Variants in SLC4A7 observed in about 807,000 individuals in gnomAD.
The protein encoded by SLC4A7 is sodium bicarbonate cotransporter 3.
In SLC4A7, 51 loss-of-function variants were observed where a neutral mutation model predicts 137.6. That is an observed-to-expected ratio of 0.37 (90% CI 0.30 to 0.47). The LOEUF is 0.47. SLC4A7 is among the 20% of genes least tolerant of loss of function. SLC4A7 has a pLI of 1.00. For synonymous variants in SLC4A7, 542 were observed against 518.6 expected (o/e 1.05, Z -0.61); for missense variants, 1,247 against 1,525.4 (o/e 0.82, Z 3.04).
chr3:27,456,546 TTC>T, intron 1 of SLC4A7: 3 of 814,972 alleles, frequency 3.7e-6, no homozygotes, highest in Non-Finnish European at 6.4e-6. Flanking sequence ...GATGATACTA[TTC>T]TAAGCCAGTG....
At chr3:27,413,998 G>C (rs767195631) in intron 11 of SLC4A7, among the ~76,000 whole-genome samples, 2 of 152,134 alleles carry the variant, frequency 1.3e-5, no homozygotes, top group Non-Finnish European at 2.9e-5. Flanking sequence ...ACACAGTTGA[G>C]GCCAGGCGTG....
At chr3:27,393,818 AAAAT>A (rs1393224987) in intron 20 of SLC4A7, among the ~76,000 whole-genome samples, 1 of 152,186 alleles carries the variant, frequency 6.6e-6, no homozygotes, top group East Asian at 1.9e-4. Context: ...AAAAAAATTA[AAAAT>A]AAAAGCCAAC....
intron 1 of SLC4A7, among the ~76,000 whole-genome samples, chr3:27,474,586 C>G (rs961865645): frequency 1.3e-5 from 2 of 151,854 alleles, no homozygotes; most frequent in Non-Finnish European, 2.9e-5. Context: ...TGGCGGGCAC[C>G]TGTAATCCCA....
chr3:27,424,402 A>C (rs573012205), intron 7 of SLC4A7: 32 of 299,060 alleles, frequency 1.1e-4, no homozygotes, highest in Non-Finnish European at 1.8e-4. Context: ...CTTTTGCAAA[A>C]AGAAATAAAA....
intron 15 of SLC4A7, among the ~76,000 whole-genome samples, chr3:27,402,580 AT>A (rs1377178109): frequency 6.6e-6 from 1 of 151,992 alleles, no homozygotes; most frequent in African/African-American, 2.4e-5. Context: ...CGTGCCTGTA[AT>A]CCCTGCTACT....
At chr3:27,379,525 C>A (rs190152029) in intron 24 of SLC4A7, among the ~76,000 whole-genome samples, 169 bp from the exon 25 acceptor site, 3 of 152,074 alleles carry the variant, frequency 2.0e-5, no homozygotes, top group African/African-American at 7.2e-5. Flanking sequence ...TCTTTCTAAT[C>A]GAAACTAGGA....
rs569420390 is a variant in SLC4A7, at chr3:27,417,852, G to C, written c.1659+634C>G. ...ATCCAAAAGTCTGGCAACACACACT[G>C]TCGGTGAGGATGCAGGGAAATAGGC... is the stretch of plus-strand genomic sequence containing the variant. On this transcript the variant is annotated intron_variant, in intron 11 of 25. Transcript: ENST00000454389. Among the ~76,000 whole-genome samples the C allele has an allele frequency of 5.9e-5, 9 of 152,306 alleles. No individual in the cohort carries two copies. In the South Asian group the frequency reaches 1.9e-3, roughly 32 times the overall value.
In SLC4A7 at chr3:27,433,689, C is replaced by T. The variant is rs574594951; in HGVS notation, c.778+227G>A. On this transcript the variant is annotated intron_variant, in intron 6 of 25. Transcript: ENST00000454389. ...AAAAATCTAAAATAAAGGTTCAAAC[C>T]CAAGATTTAGAATTTCAAAAAGGTA... Among the ~76,000 whole-genome samples, 8 of 151,688 alleles carry T rather than the reference C, an allele frequency of 5.3e-5. No individual in the cohort carries two copies. In the East Asian group the frequency reaches 1.4e-3, roughly 26 times the overall value.
At chr3:27,411,027 G>C (rs1217672009) in intron 12 of SLC4A7, among the ~76,000 whole-genome samples, 1 of 151,990 alleles carries the variant, frequency 6.6e-6, no homozygotes, top group Non-Finnish European at 1.5e-5. Flanking sequence ...AGAATCAATA[G>C]CCACATGCTT....
At position 27,431,450 on chromosome 3, in the gene SLC4A7, G is replaced by A. The variant is rs1231827257; in HGVS notation, c.998C>T (p.Ser333Phe). The A allele has an allele frequency of 1.9e-6, 3 of 1,614,122 alleles. No homozygotes were observed. Among genetic ancestry groups the A allele is most frequent in the South Asian group, 2.2e-5 (2 of 91,070 alleles). The change falls in exon 7 of 26, where the codon TCC (serine) becomes TTC (phenylalanine). Residue 333 changes from serine to phenylalanine, a missense_variant. Around this residue, in one of 6 missense-constraint regions of SLC4A7, gnomAD observed 223 missense variants for 203.6 expected, o/e 1.10. Transcript: ENST00000454389. ...TGGGGCCTGACGCTGACTCTCTTGG[G>A]AACTTCTGGAGGTCAGGCGGCTGAT... ...PSISRLTSRS[S>F]QESQRQAPEL...
intron 7 of SLC4A7, among the ~76,000 whole-genome samples, chr3:27,425,728 C>T (rs1321071496): frequency 7.0e-6 from 1 of 143,306 alleles, no homozygotes; most frequent in East Asian, 2.1e-4. Context: ...GTACACTACA[C>T]AGATTTCTAC....
At chr3:27,390,191 G>T in intron 21 of SLC4A7, 87 bp from the exon 22 acceptor site, 1 of 606,380 alleles carries the variant, frequency 1.6e-6, no homozygotes, top group Non-Finnish European at 2.7e-6. Flanking sequence ...TTAGGATTTT[G>T]TGTATTAAAT....
chr3:27,455,570 AT>A lies in SLC4A7; in HGVS notation c.61-3073del, dbSNP rs780026916. On this transcript the variant is annotated intron_variant, in intron 1 of 25. Transcript: ENST00000454389. ...TTTCATGCGTAACTTGCATAACTAA[AT>A]TTTTTTTTTTTTTTTTTTTGGAGAC... Among the ~76,000 whole-genome samples, 751 of 125,320 alleles carry A rather than the reference AT, an allele frequency of 6.0e-3. 1 individual carries two copies. The highest frequency in any genetic ancestry group is 0.019 in the African/African-American group (614 of 33,118). The allele number at this position is 125,320 out of a possible 152,430, so 82.2% of individuals were successfully genotyped here.
chr3:27,405,842 G>T (rs34775440), intron 13 of SLC4A7, among the ~76,000 whole-genome samples: 27,161 of 152,086 alleles, frequency 0.18, 2,846 homozygotes, highest in Non-Finnish European at 0.25. Flanking sequence ...TAGAGAAAAT[G>T]AAAGACTAAG....
At chr3:27,456,779 G>A in intron 1 of SLC4A7, 1 of 1,540,694 alleles carries the variant, frequency 6.5e-7, no homozygotes, top group South Asian at 1.2e-5. Flanking sequence ...AGGTCACTGT[G>A]CTTTGCAGAG....
chr3:27,398,798 A>G (rs953572086), intron 16 of SLC4A7, among the ~76,000 whole-genome samples: 2 of 152,236 alleles, frequency 1.3e-5, no homozygotes, highest in Non-Finnish European at 2.9e-5. Context: ...ATGATGCTGG[A>G]TAAGAGATGG....
At chr3:27,466,459 A>G (rs1189129096) in intron 1 of SLC4A7, among the ~76,000 whole-genome samples, 1 of 150,962 alleles carries the variant, frequency 6.6e-6, no homozygotes, top group Non-Finnish European at 1.5e-5. Flanking sequence ...CAAAAAAAAA[A>G]AAGAAAAAGA....
chr3:27,440,610 C>A (rs1300784117), intron 3 of SLC4A7, among the ~76,000 whole-genome samples: 1 of 151,930 alleles, frequency 6.6e-6, no homozygotes, highest in Non-Finnish European at 1.5e-5. Context: ...CACCTGTAAT[C>A]CCAGCTACTC....
intron 15 of SLC4A7, among the ~76,000 whole-genome samples, chr3:27,402,614 A>T (rs1406613462): frequency 6.6e-6 from 1 of 152,022 alleles, no homozygotes; most frequent in African/African-American, 2.4e-5. Flanking sequence ...CAGGAAGATC[A>T]CTTGAACCTG....
Sources: gnomAD v4.1 joint callset for allele counts (sites outside exome capture counted in the v4.1 genomes callset) on GRCh38, gnomAD v4.1.1 for gene constraint, gnomAD v4.1.1 regional missense constraint, MANE v1.5 for transcripts, NCBI Gene and HGNC (gene_info 2026-07-23, HGNC 2026-07-21) for gene names.